NEDD9: variants seen among roughly 807,000 people sequenced by gnomAD.
The protein encoded by NEDD9 is enhancer of filamentation 1.
Under a neutral mutation model 76.6 loss-of-function variants are expected in NEDD9, and 26 were observed. That is an observed-to-expected ratio of 0.34 (90% CI 0.25 to 0.47). The LOEUF (loss-of-function observed/expected upper bound fraction) is 0.47, where lower values mean the gene tolerates loss of function less well. NEDD9 is among the 20% of genes least tolerant of loss of function. The pLI is 1.00. For synonymous variants in NEDD9, 392 were observed against 414.2 expected, an observed-to-expected ratio of 0.95 and a Z score of 0.65; for missense variants, 937 against 1,058.5, an observed-to-expected ratio of 0.89 and a Z score of 1.59.
chr6:11,235,985 T>C (rs915227282), upstream of NEDD9, among the ~76,000 whole-genome samples: 1 of 152,220 alleles, frequency 6.6e-6, no homozygotes. This position sits in a 1 kb window ranked among gnomAD's most constrained non-coding sequence, Gnocchi z 4.1. Context: ...AGTTAAAATA[T>C]TGAGCTCTGG....
Position 11,193,685 on chromosome 6 carries a change from G to T in NEDD9, c.467C>A (p.Thr156Asn). The T allele has an allele frequency of 1.2e-6, 2 of 1,613,132 alleles. No individual in the cohort carries two copies. Among genetic ancestry groups the T allele is most frequent in the Non-Finnish European group, 1.7e-6 (2 of 1,179,282 alleles). ...SGPHVGKKVI[T>N]PVRTGHGYVY... ...GTAGCCATGGCCTGTCCTCACGGGGGTTATCACCTGTGGGAGAGAAGGCAC... is the reference window on the plus strand; with the variant it reads ...GTAGCCATGGCCTGTCCTCACGGGGTTTATCACCTGTGGGAGAGAAGGCAC... Residue 156 changes from threonine (T) to asparagine (N), a missense_variant, in exon 3 of 7, where the codon ACC becomes AAC. Coordinates refer to ENST00000379446, the MANE Select transcript of NEDD9 (RefSeq NM_006403.4).
intron 3 of NEDD9, among the ~76,000 whole-genome samples, chr6:11,282,473 G>A (rs913290075): frequency 6.6e-6 from 1 of 152,206 alleles, no homozygotes; most frequent in African/African-American, 2.4e-5. Flanking sequence ...AAGCCCAGCT[G>A]TGTGTATACA....
At chr6:11,356,915 G>A (rs550650058) in intron 1 of NEDD9, among the ~76,000 whole-genome samples, 11 of 152,248 alleles carry the variant, frequency 7.2e-5, no homozygotes, top group African/African-American at 2.6e-4. Context: ...TTGTCTCATG[G>A]GACCTCAGCT....
At chr6:11,315,346 G>T (rs1227049142) in intron 2 of NEDD9, among the ~76,000 whole-genome samples, 2 of 152,214 alleles carry the variant, frequency 1.3e-5, no homozygotes, top group Non-Finnish European at 2.9e-5. Flanking sequence ...TGCTTGCAGA[G>T]CAAAAGGCTG....
intron 1 of NEDD9, among the ~76,000 whole-genome samples, chr6:11,369,358 C>CA (rs1291256976): frequency 2.0e-5 from 3 of 152,020 alleles, no homozygotes; most frequent in African/African-American, 7.2e-5. Flanking sequence ...CAAAAATGGT[C>CA]AAAAGATAAG....
intron 2 of NEDD9, among the ~76,000 whole-genome samples, chr6:11,323,496 C>A (rs1427703386): frequency 6.6e-6 from 1 of 152,210 alleles, no homozygotes; most frequent in Non-Finnish European, 1.5e-5. Flanking sequence ...CCACAGGGAG[C>A]ATCTAGCAAC....
chr6:11,355,351 TA>T (rs1350040304), intron 1 of NEDD9, among the ~76,000 whole-genome samples: 1 of 151,760 alleles, frequency 6.6e-6, no homozygotes, highest in African/African-American at 2.4e-5. Context: ...TAGAAAAATT[TA>T]AAAAAAAATT....
intron 1 of NEDD9, among the ~76,000 whole-genome samples, chr6:11,364,387 C>G (rs1186458455): frequency 6.6e-6 from 1 of 152,162 alleles, no homozygotes; most frequent in Non-Finnish European, 1.5e-5. Context: ...GGGCATGTCT[C>G]TATGATGAAT....
Position 11,246,826 on chromosome 6 carries a change from A to G in NEDD9, c.13-33099T>C, listed in dbSNP as rs1048361765. Among the ~76,000 whole-genome samples, 18 of 152,204 alleles carry G rather than the reference A, an allele frequency of 1.2e-4. 1 individual carries two copies. Among genetic ancestry groups the G allele is most frequent in the East Asian group, 7.7e-4 (4 of 5,196 alleles). On this transcript the variant is annotated intron_variant, in intron 3 of 3. Transcript: ENST00000397378. ...GGCTGCAAAGGCTGGGCCAGTCGACATGTTTCCTATCCAACAGGCTCTCGT... is the reference window on the plus strand; with the variant it reads ...GGCTGCAAAGGCTGGGCCAGTCGACGTGTTTCCTATCCAACAGGCTCTCGT...
In NEDD9 at chr6:11,187,404, G is replaced by A. The variant is rs192625108; in HGVS notation, c.1995+814C>T. Among the ~76,000 whole-genome samples, 479 of 152,252 alleles carry A rather than the reference G, an allele frequency of 3.1e-3. 4 individuals are homozygous for A. The highest frequency in any genetic ancestry group is 5.1e-3 in the Non-Finnish European group (349 of 68,012). ...CCCAGCTTTTGAATGAACATGCCCTGCCCAAAGTCCTCAGTAGATAGGCCT... is the reference window on the plus strand; with the variant it reads ...CCCAGCTTTTGAATGAACATGCCCTACCCAAAGTCCTCAGTAGATAGGCCT... On this transcript the variant is annotated intron_variant, in intron 6 of 6. Coordinates refer to ENST00000379446, the MANE Select transcript of NEDD9 (RefSeq NM_006403.4).
chr6:11,368,355 A>G (rs1039211672), intron 1 of NEDD9, among the ~76,000 whole-genome samples: 10 of 152,272 alleles, frequency 6.6e-5, no homozygotes, highest in African/African-American at 2.2e-4. Context: ...AGAATTGTTT[A>G]TATTTTAAGA....
chr6:11,282,645 T>C (rs769562110), intron 3 of NEDD9, among the ~76,000 whole-genome samples: 34 of 152,236 alleles, frequency 2.2e-4, no homozygotes, highest in Non-Finnish European at 4.6e-4. Flanking sequence ...TTTTTACTTT[T>C]TTCATGGCAT....
intron 3 of NEDD9, among the ~76,000 whole-genome samples, chr6:11,274,860 C>T (rs912629054): frequency 1.3e-5 from 2 of 152,116 alleles, no homozygotes; most frequent in African/African-American, 4.8e-5. Context: ...CAATTCCATT[C>T]TGGTCTAGAT....
chr6:11,192,490 A>T, intron 3 of NEDD9, 44 bp from the exon 4 acceptor site: 1 of 1,429,710 alleles, frequency 7.0e-7, no homozygotes, highest in Non-Finnish European at 9.8e-7. Flanking sequence ...AATGTCTTAT[A>T]CTTGGTCATT....
chr6:11,234,802 G>A (rs1433878159), upstream of NEDD9, among the ~76,000 whole-genome samples: 3 of 148,474 alleles, frequency 2.0e-5, no homozygotes, highest in African/African-American at 7.5e-5. Context: ...TGCAATCCCC[G>A]CATCTCTGGT....
chr6:11,328,934 G>T (rs1233032309), intron 2 of NEDD9: 1 of 152,230 alleles, frequency 6.6e-6, no homozygotes, highest in Non-Finnish European at 1.5e-5. Flanking sequence ...AAACATTTCA[G>T]AATTCAGTTG....
intron 2 of NEDD9, among the ~76,000 whole-genome samples, chr6:11,211,331 C>T (rs1482181335): frequency 2.0e-5 from 3 of 152,186 alleles, no homozygotes; most frequent in Non-Finnish European, 4.4e-5. Context: ...AGTCTGAAGG[C>T]TTAGGCTTCT....
At chr6:11,336,242 T>C (rs1762158375) in intron 1 of NEDD9, among the ~76,000 whole-genome samples, 1 of 152,242 alleles carries the variant, frequency 6.6e-6, no homozygotes, top group Admixed American at 6.5e-5. Flanking sequence ...TATAGCCATG[T>C]GCCACTTGAC....
At position 11,188,204 on chromosome 6, in the gene NEDD9, C is replaced by T. The variant is rs375304031; in HGVS notation, c.1995+14G>A. 6.2e-7 allele frequency: 1 copy of T among 1,610,300 alleles called. No individual in the cohort carries two copies. Among genetic ancestry groups the T allele is most frequent in the African/African-American group, 1.3e-5 (1 of 74,868 alleles). On this transcript the variant is annotated intron_variant, in intron 6 of 6. Coordinates refer to ENST00000379446, the MANE Select transcript of NEDD9 (RefSeq NM_006403.4). ...TTTCCAATGCCAAGCAGTTTTTGCT[C>T]TGATTGAACTTACCTGATGATGTTC...
Sources: gnomAD v4.1 joint callset for allele counts (sites outside exome capture counted in the v4.1 genomes callset) on GRCh38, gnomAD v4.1.1 for gene constraint, Gnocchi (gnomAD v3.1) non-coding constraint, MANE v1.5 for transcripts, NCBI Gene and HGNC (gene_info 2026-07-23, HGNC 2026-07-21) for gene names.